DLG1: variants seen among roughly 807,000 people sequenced by gnomAD.
DLG1 encodes discs large MAGUK scaffold protein 1.
A neutral mutation model predicts 123.4 loss-of-function variants in DLG1; 42 were observed. The ratio of observed to expected loss-of-function variants is 0.34; its 90% CI spans 0.27 to 0.44. DLG1 has a LOEUF of 0.44. DLG1 is among the 20% of genes least tolerant of loss of function. The pLI is 1.00. For synonymous variants in DLG1, 317 were observed against 356.2 expected (o/e 0.89, Z 1.24); for missense variants, 942 against 1,082.6 (o/e 0.87, Z 1.82).
rs776993452 is a variant in DLG1 at position 197,043,534 on chromosome 3, A to AAGTT, written c.*1085_*1088dup. 4.6e-5 allele frequency: 7 copies of AAGTT among 151,978 alleles called. No individual in the cohort carries two copies. Among genetic ancestry groups the AAGTT allele is most frequent in the African/African-American group, 7.2e-5 (3 of 41,382 alleles). 9.4% of individuals were successfully genotyped at this position (151,978 alleles called of 1,614,324 possible). ...ATATTTAATTTAAAAACCAAACAAA[A>AAGTT]AGTTAGGAGTAGGTGGCAAAAGAAA... On this transcript the variant is annotated 3_prime_UTR_variant, in exon 25 of 25. Coordinates refer to ENST00000667157, the MANE Select transcript of DLG1 (RefSeq NM_001366207.1).
chr3:197,134,774 ACTCT>A (rs1438472162), intron 10 of DLG1, among the ~76,000 whole-genome samples: 1 of 152,148 alleles, frequency 6.6e-6, no homozygotes, highest in East Asian at 1.9e-4. Flanking sequence ...TACCACTGCA[ACTCT>A]ACCATTTTTG....
intron 2 of DLG1, 24 bp downstream of exon 2, chr3:197,297,160 AAC>A (rs752655802): frequency 2.5e-6 from 4 of 1,613,768 alleles, no homozygotes; most frequent in Admixed American, 3.3e-5. Flanking sequence ...TGACATCGAC[AAC>A]AGAGTTACGG....
rs552493589 is a variant in DLG1, at chr3:197,058,171, A to T, written c.2483+1718T>A. ...TTCTTTGTATTTTTAGTAGAGACAGAGTCTCACCATGTTGCCCAGGCTGGT... is the reference window on the plus strand; with the variant it reads ...TTCTTTGTATTTTTAGTAGAGACAGTGTCTCACCATGTTGCCCAGGCTGGT... On this transcript the variant is annotated intron_variant, in intron 23 of 24. Transcript: ENST00000667157. 3.1e-3 allele frequency among the ~76,000 whole-genome samples: 471 copies of T among 151,930 alleles called. 4 individuals are homozygous for T. Among genetic ancestry groups the T allele is most frequent in the African/African-American group, 0.011 (448 of 41,436 alleles).
At position 197,289,996 on chromosome 3, in the gene DLG1, C is replaced by A. The variant is rs527280861; in HGVS notation, c.151+6350G>T. On this transcript the variant is annotated intron_variant, in intron 3 of 24. Transcript: ENST00000667157. ...GAAATGGCTGATTCCAGGGCTGGGG[C>A]AGGAGAGGTACAAGATAAACCTGGA... Among the ~76,000 whole-genome samples the A allele has an allele frequency of 5.9e-5, 9 of 152,106 alleles. No individual in the cohort carries two copies. In the South Asian group the frequency reaches 1.7e-3, roughly 28 times the overall value.
chr3:197,124,039 A>G (rs1777746742), intron 11 of DLG1, among the ~76,000 whole-genome samples: 2 of 152,106 alleles, frequency 1.3e-5, no homozygotes, highest in Non-Finnish European at 2.9e-5. Flanking sequence ...GGATCACTTG[A>G]GGTTAGGAGC....
At chr3:197,076,183 T>C (rs1747148274) in intron 18 of DLG1, among the ~76,000 whole-genome samples, 1 of 152,192 alleles carries the variant, frequency 6.6e-6, no homozygotes, top group Admixed American at 6.5e-5. Flanking sequence ...GGGTAAAATG[T>C]AATGATTCCA....
chr3:197,070,487 C>T (rs1207046239), intron 18 of DLG1: 1 of 150,986 alleles, frequency 6.6e-6, no homozygotes, highest in African/African-American at 2.4e-5. Context: ...AACTCCTGGC[C>T]TCAAGGGATC....
intron 5 of DLG1, among the ~76,000 whole-genome samples, chr3:197,192,113 G>A (rs1215427700): frequency 1.3e-5 from 2 of 152,060 alleles, no homozygotes; most frequent in Non-Finnish European, 2.9e-5. Flanking sequence ...GTTTGGGGCT[G>A]CAGTAAGCTA....
intron 5 of DLG1, among the ~76,000 whole-genome samples, chr3:197,186,668 A>G (rs980978415): frequency 6.6e-6 from 1 of 152,238 alleles, no homozygotes; most frequent in Non-Finnish European, 1.5e-5. Flanking sequence ...TAGGCTCTCA[A>G]TTATTTGTGT....
chr3:197,250,965 A>T (rs535725237), intron 4 of DLG1, among the ~76,000 whole-genome samples: 1 of 147,850 alleles, frequency 6.8e-6, no homozygotes, highest in Non-Finnish European at 1.5e-5. Context: ...CCTGGGCAAC[A>T]GAGCAAGACT....
intron 5 of DLG1, among the ~76,000 whole-genome samples, chr3:197,160,595 GTAT>G (rs753247054): frequency 3.9e-5 from 6 of 151,924 alleles, no homozygotes; most frequent in African/African-American, 7.3e-5. Flanking sequence ...TATAGTAGCA[GTAT>G]TATTATAATG....
intron 5 of DLG1, among the ~76,000 whole-genome samples, chr3:197,174,928 T>C (rs1806199951): frequency 6.6e-6 from 1 of 152,242 alleles, no homozygotes; most frequent in Admixed American, 6.5e-5. Flanking sequence ...ATTTCAAAGC[T>C]GCTCCAGTCA....
chr3:197,132,025 A>G lies in DLG1; in HGVS notation c.1021-1354T>C, dbSNP rs187513235. Among the ~76,000 whole-genome samples the G allele has an allele frequency of 6.1e-4, 93 of 152,228 alleles. 1 individual carries two copies. The highest frequency in any genetic ancestry group is 2.2e-3 in the African/African-American group (90 of 41,544). ...GCAATCTGTCAATTTCATCTAAGTT[A>G]CCTCAGGTATTAGCACATAGTTACT... On this transcript the variant is annotated intron_variant, in intron 10 of 24. Transcript: ENST00000667157.
chr3:197,157,431 C>G lies in DLG1; in HGVS notation c.484-7635G>C, dbSNP rs547162433. On this transcript the variant is annotated intron_variant, in intron 5 of 24. Coordinates refer to ENST00000667157, the MANE Select transcript of DLG1 (RefSeq NM_001366207.1). ...AAAACAATTCTGTTTATTATAGCAT[C>G]GAAAAGAACAAATTTTCAGAACACT... Among the ~76,000 whole-genome samples the G allele has an allele frequency of 4.6e-5, 7 of 152,080 alleles. No individual in the cohort carries two copies. In the East Asian group the frequency reaches 1.2e-3, roughly 25 times the overall value.
chr3:197,130,620 A>T lies in DLG1; in HGVS notation c.1072T>A (p.Leu358Ile). 6.2e-7 allele frequency: 1 copy of T among 1,610,964 alleles called. No individual in the cohort carries two copies. Among genetic ancestry groups the T allele is most frequent in the South Asian group, 1.1e-5 (1 of 90,776 alleles). Residue 358 changes from leucine (L) to isoleucine (I), a missense_variant, in exon 11 of 25, where the codon TTA becomes ATA. Physicochemically the swap from Leu to Ile is conservative, Grantham distance 5. Transcript: ENST00000667157. The stretch of plus-strand genomic sequence containing the variant: ...TAAACAAAATCAGATGTGTTCTTTA[A>T]GGCAGTTACTGCTTCTTCATGAGTA... Reference protein sequence around the residue: ...EVTHEEAVTALKNTSDFVYLK... With the variant: ...EVTHEEAVTAIKNTSDFVYLK...
At chr3:197,044,755 A>T in intron 24 of DLG1, 26 bp from the exon 25 acceptor site, 1 of 1,367,198 alleles carries the variant, frequency 7.3e-7, no homozygotes, top group Non-Finnish European at 1.0e-6. Context: ...CAAAATCAGA[A>T]ATCTCCATTA....
intron 6 of DLG1, among the ~76,000 whole-genome samples, chr3:197,145,008 G>A (rs1789981623): frequency 6.6e-6 from 1 of 151,616 alleles, no homozygotes; most frequent in Non-Finnish European, 1.5e-5. Flanking sequence ...CATAGAGATG[G>A]GGTCTATGTT....
At chr3:197,067,119 C>G (rs528887186) in intron 19 of DLG1, among the ~76,000 whole-genome samples, 1 of 151,978 alleles carries the variant, frequency 6.6e-6, no homozygotes. Context: ...CATCTATCTA[C>G]GTATTAGGTA....
intron 18 of DLG1, among the ~76,000 whole-genome samples, chr3:197,073,733 T>C (rs1345868975): frequency 6.6e-6 from 1 of 152,208 alleles, no homozygotes; most frequent in African/African-American, 2.4e-5. Context: ...GTATCACTTC[T>C]GTTTCTCTGT....
Sources: gnomAD v4.1 joint callset for allele counts (sites outside exome capture counted in the v4.1 genomes callset) on GRCh38, gnomAD v4.1.1 for gene constraint, MANE v1.5 for transcripts, NCBI Gene and HGNC (gene_info 2026-07-23, HGNC 2026-07-21) for gene names.